HRH3: variants seen among roughly 807,000 people sequenced by gnomAD.
The protein encoded by HRH3 is histamine receptor H3, also known as histamine H3 receptor.
HRH3 carries 13 observed loss-of-function variants against 21.6 expected under a neutral mutation model. The ratio of observed to expected loss-of-function variants is 0.60; its 90% CI spans 0.39 to 0.96. The LOEUF (loss-of-function observed/expected upper bound fraction) is 0.96, where lower values mean the gene tolerates loss of function less well. Among genes scored for constraint, HRH3 ranks in the 40% least tolerant of loss-of-function variants. The pLI is 0.00. For synonymous variants in HRH3, 276 were observed against 290.3 expected (o/e 0.95, Z 0.50); for missense variants, 461 against 622.7 (o/e 0.74, Z 2.76).
chr20:62,217,725 G>A (rs943929588), intron 2 of HRH3, among the ~76,000 whole-genome samples: 11 of 152,222 alleles, frequency 7.2e-5, no homozygotes, highest in Non-Finnish European at 2.9e-5. Context: ...TGAGAGGTGG[G>A]CAGAGCACCC....
rs202091322 is a variant in HRH3, at chr20:62,215,042, G to A, written c.*964C>T. 2 of 293,328 alleles carry A rather than the reference G, an allele frequency of 6.8e-6. No homozygotes were observed. The highest frequency in any genetic ancestry group is 2.2e-5 in the African/African-American group (1 of 45,910). The allele number at this position is 293,328 out of a possible 1,614,324, so 18.2% of individuals were successfully genotyped here. A position where few individuals can be genotyped will look rare whatever the true frequency, so the allele number is the denominator to read the frequency against. ...GCGGGCACAGGCAGAGGAGCATGCA[G>A]AGCGCGTGGCACGGGTGCACAGCAC... On this transcript the variant is annotated 3_prime_UTR_variant, in exon 3 of 3. Transcript: ENST00000340177.
At position 62,215,996 on chromosome 20, in the gene HRH3, G is replaced by C; in HGVS notation, c.*10C>G. The C allele has an allele frequency of 6.4e-7, 1 of 1,553,086 alleles. No individual in the cohort carries two copies. ...GAGAGGCGTGGCTGAGGGAGGCTCT[G>C]GTGGGCCACTCACTTCCAGCAGTGC... is the stretch of plus-strand genomic sequence containing the variant. On this transcript the variant is annotated 3_prime_UTR_variant, in exon 3 of 3. Transcript: ENST00000340177.
In HRH3 at chr20:62,218,523, T is replaced by C. The variant is rs774295849; in HGVS notation, c.385A>G (p.Ser129Gly). 1 of 1,612,176 alleles carries C rather than the reference T, an allele frequency of 6.2e-7. No homozygotes were observed. The highest frequency in any genetic ancestry group is 1.7e-5 in the Admixed American group (1 of 59,998). ...TSSAFNIVLI[S>G]YDRFLSVTRA... Reference sequence around the variant, plus strand: ...GTGACCGACAGGAAGCGGTCGTAGCTGATGAGCACGATGTTGAAGGCAGAG... The same window carrying C: ...GTGACCGACAGGAAGCGGTCGTAGCCGATGAGCACGATGTTGAAGGCAGAG... The change falls in exon 2 of 3, where the codon AGC becomes GGC. Residue 129 changes from serine (S) to glycine (G), a missense_variant. By Grantham distance (56) the Ser-to-Gly change is moderately conservative (BLOSUM62 0). This residue lies in a region of HRH3 where 74 missense variants were observed against 86.6 expected (regional missense o/e 0.85). Coordinates refer to ENST00000340177, the MANE Select transcript of HRH3 (RefSeq NM_007232.3). This position sits in a 1 kb window ranked among gnomAD's most constrained non-coding sequence, Gnocchi z 5.6.
chr20:62,217,000 C>T (rs1214433145), intron 2 of HRH3, 74 bp from the exon 3 acceptor site: 6 of 1,401,938 alleles, frequency 4.3e-6, no homozygotes, highest in East Asian at 5.0e-5. Context: ...AGCCTGTGGG[C>T]CCCTATGTGG....
rs892353806 is a variant in HRH3, at chr20:62,219,782, C to A, written c.189G>T (p.Ser63=). ...ALVMLAFVAD[S]SLRTQNNFFL... ...AGAAGTTGTTCTGGGTGCGGAGGCT[C>A]GAGTCGGCCACGAAGGCGAGCATGA... The change falls in exon 1 of 3, where the codon TCG becomes TCT. Residue 63 remains serine (S), a synonymous_variant. Coordinates refer to ENST00000340177, the MANE Select transcript of HRH3 (RefSeq NM_007232.3). The surrounding 1 kb of genome is among the most constrained non-coding windows in gnomAD (Gnocchi z 8.7). 1.2e-6 allele frequency: 2 copies of A among 1,605,890 alleles called. No homozygotes were observed. The highest frequency in any genetic ancestry group is 2.3e-5 in the East Asian group (1 of 44,316).
chr20:62,217,406 G>T (rs572109958), intron 2 of HRH3, among the ~76,000 whole-genome samples: 27 of 152,348 alleles, frequency 1.8e-4, no homozygotes, highest in Non-Finnish European at 3.1e-4. Flanking sequence ...CTGGGAGCTG[G>T]AGGTGCAGGG....
In HRH3 at chr20:62,218,444, C is replaced by G; in HGVS notation, c.417+47G>C. On this transcript the variant is annotated intron_variant, in intron 2 of 2. Transcript: ENST00000340177. This position sits in a 1 kb window ranked among gnomAD's most constrained non-coding sequence, Gnocchi z 5.6. ...ACCCAGGTGCCTCCCATGGGCGTCCCGACTGTCCCTGCGGAGTGAACAGGA... is the reference window on the plus strand; with the variant it reads ...ACCCAGGTGCCTCCCATGGGCGTCCGGACTGTCCCTGCGGAGTGAACAGGA... 5.0e-6 allele frequency: 8 copies of G among 1,587,678 alleles called. No homozygotes were observed. The highest frequency in any genetic ancestry group is 6.8e-6 in the Non-Finnish European group (8 of 1,170,114).
chr20:62,218,146 A>G lies in HRH3; in HGVS notation c.417+345T>C, dbSNP rs1183941545. Among the ~76,000 whole-genome samples the G allele has an allele frequency of 6.6e-6, 1 of 152,192 alleles. No individual in the cohort carries two copies. ...CTGTGTGTGTGTGCACGCTGCACAC[A>G]CGCATGTGGGAGGGATGTCACCCAG... On this transcript the variant is annotated intron_variant, in intron 2 of 2. Transcript: ENST00000340177. This position sits in a 1 kb window ranked among gnomAD's most constrained non-coding sequence, Gnocchi z 5.6.
At position 62,216,981 on chromosome 20, in the gene HRH3, C is replaced by T. The variant is rs1330172688; in HGVS notation, c.418-55G>A. 2.0e-5 allele frequency: 30 copies of T among 1,480,084 alleles called. 1 individual carries two copies. The highest frequency in any genetic ancestry group is 6.6e-5 in the South Asian group (5 of 75,918). The allele number at this position is 1,480,084 out of a possible 1,614,324, so 91.7% of individuals were successfully genotyped here. ...GGCGGAAGGAATATTGGGCTGGGTG[C>T]GCCCCCGTAGCCTGTGGGCCCCTAT... is the stretch of plus-strand genomic sequence containing the variant. On this transcript the variant is annotated intron_variant, in intron 2 of 2. Coordinates refer to ENST00000340177, the MANE Select transcript of HRH3 (RefSeq NM_007232.3).
In HRH3 at chr20:62,220,138, G is replaced by C; in HGVS notation, c.-168C>G. On this transcript the variant is annotated 5_prime_UTR_variant, in exon 1 of 3. Coordinates refer to ENST00000340177, the MANE Select transcript of HRH3 (RefSeq NM_007232.3). ...GTCCGCGGGGCCGGGGCCGGGGCCA[G>C]AGCAGGCGGTGCCGAGGGGGCCGGG... The C allele has an allele frequency of 2.1e-6, 1 of 479,740 alleles. No individual in the cohort carries two copies. Among genetic ancestry groups the C allele is most frequent in the Non-Finnish European group, 2.7e-6 (1 of 369,034 alleles). The allele number at this position is 479,740 out of a possible 1,614,324, so 29.7% of individuals were successfully genotyped here. A position where few individuals can be genotyped will look rare whatever the true frequency, so the allele number is the denominator to read the frequency against.
chr20:62,219,799 C>A lies in HRH3; in HGVS notation c.172G>T (p.Ala58Ser). 6.2e-7 allele frequency: 1 copy of A among 1,605,758 alleles called. No homozygotes were observed. The highest frequency in any genetic ancestry group is 2.3e-5 in the East Asian group (1 of 44,284). Residue 58 changes from alanine (A) to serine (S), a missense_variant, in exon 1 of 3, where the codon GCC becomes TCC. By Grantham distance (99) the Ala-to-Ser change is moderately conservative. Coordinates refer to ENST00000340177, the MANE Select transcript of HRH3 (RefSeq NM_007232.3). This position sits in a 1 kb window ranked among gnomAD's most constrained non-coding sequence, Gnocchi z 8.7. ...TVLGNALVML[A>S]FVADSSLRTQ... ...CGGAGGCTCGAGTCGGCCACGAAGG[C>A]GAGCATGACCAGCGCGTTGCCCAGC...
chr20:62,219,406 T>C lies in HRH3; in HGVS notation c.250+315A>G, dbSNP rs1342721986. On this transcript the variant is annotated intron_variant, in intron 1 of 2. Transcript: ENST00000340177. The surrounding 1 kb of genome is among the most constrained non-coding windows in gnomAD (Gnocchi z 8.7). The stretch of plus-strand genomic sequence containing the variant: ...GCCCCACTGCGCCCTCCGCGCGTCC[T>C]AAGTCCGCAGCAGCCTTTGTTTGGC... Among the ~76,000 whole-genome samples the C allele has an allele frequency of 6.6e-6, 1 of 150,702 alleles. No homozygotes were observed. Among genetic ancestry groups the C allele is most frequent in the African/African-American group, 2.4e-5 (1 of 40,946 alleles).
chr20:62,220,024 C>T lies in HRH3; in HGVS notation c.-54G>A. On this transcript the variant is annotated 5_prime_UTR_variant, in exon 1 of 3. Transcript: ENST00000340177. ...CGCGGGGCAGGGCGCCGGCCGAGAG[C>T]TGGGCGGCCGGGAGGGGCCCCGGCC... 1.0e-6 allele frequency: 1 copy of T among 990,926 alleles called. No individual in the cohort carries two copies. Among genetic ancestry groups the T allele is most frequent in the Non-Finnish European group, 1.2e-6 (1 of 835,184 alleles). The allele number at this position is 990,926 out of a possible 1,614,324, so 61.4% of individuals were successfully genotyped here.
In HRH3 at chr20:62,215,717, A is replaced by T; in HGVS notation, c.*289T>A. ...CCAGTAACTGCGAAGGGTGGGCACC[A>T]GCAGGGGGTGGGCAGCATGTCTGGG... On this transcript the variant is annotated 3_prime_UTR_variant, in exon 3 of 3. Transcript: ENST00000340177. 2.0e-6 allele frequency: 1 copy of T among 501,022 alleles called. No homozygotes were observed. Among genetic ancestry groups the T allele is most frequent in the Non-Finnish European group, 3.6e-6 (1 of 274,052 alleles). 31.0% of individuals were successfully genotyped at this position (501,022 alleles called of 1,614,324 possible).
chr20:62,219,621 G>T lies in HRH3; in HGVS notation c.250+100C>A. ...CCCAGGCCGGGTCCCCTGGTGGGGCGTGTGCCTGCGGGAGCCACCCAGGTC... is the reference window on the plus strand; with the variant it reads ...CCCAGGCCGGGTCCCCTGGTGGGGCTTGTGCCTGCGGGAGCCACCCAGGTC... On this transcript the variant is annotated intron_variant, in intron 1 of 2. Coordinates refer to ENST00000340177, the MANE Select transcript of HRH3 (RefSeq NM_007232.3). This position sits in a 1 kb window ranked among gnomAD's most constrained non-coding sequence, Gnocchi z 8.7. 3 of 1,428,392 alleles carry T rather than the reference G, an allele frequency of 2.1e-6. No individual in the cohort carries two copies. The highest frequency in any genetic ancestry group is 2.8e-6 in the Non-Finnish European group (3 of 1,070,764). The allele number at this position is 1,428,392 out of a possible 1,614,324, so 88.5% of individuals were successfully genotyped here.
In HRH3 at chr20:62,216,592, G is replaced by A. The variant is rs750347884; in HGVS notation, c.752C>T (p.Ser251Leu). ...GPEPPPEAQP[S>L]PPPPPGCWGC... ...CCAGCAGCCAGGCGGTGGGGGTGGT[G>A]AGGGCTGGGCCTCGGGAGGGGGCTC... is the stretch of plus-strand genomic sequence containing the variant. The change falls in exon 3 of 3, where the codon TCA becomes TTA. Residue 251 changes from serine to leucine, a missense_variant. Ser to Leu is a moderately radical substitution (Grantham distance 145). Transcript: ENST00000340177. 2 of 1,607,310 alleles carry A rather than the reference G, an allele frequency of 1.2e-6. No individual in the cohort carries two copies. Among genetic ancestry groups the A allele is most frequent in the South Asian group, 1.1e-5 (1 of 90,678 alleles).
chr20:62,216,655 C>T lies in HRH3; in HGVS notation c.689G>A (p.Arg230His), dbSNP rs751534866. The part of the protein sequence containing the change: ...SIYLNIQRRT[R>H]LRLDGAREAA... Reference sequence around the variant, plus strand: ...CTCTCGAGCCCCATCCAGCCGGAGGCGGGTGCGCCTCTGGATGTTCAGGTA... The same window carrying T: ...CTCTCGAGCCCCATCCAGCCGGAGGTGGGTGCGCCTCTGGATGTTCAGGTA... Residue 230 changes from arginine (R) to histidine (H), a missense_variant, in exon 3 of 3, where the codon CGC (arginine) becomes CAC (histidine). Transcript: ENST00000340177. 8.7e-6 allele frequency: 14 copies of T among 1,612,696 alleles called. No homozygotes were observed. The highest frequency in any genetic ancestry group is 2.2e-5 in the South Asian group (2 of 91,078).
rs979335848 is a variant in HRH3 at position 62,215,984 on chromosome 20, G to A, written c.*22C>T. On this transcript the variant is annotated 3_prime_UTR_variant, in exon 3 of 3. Coordinates refer to ENST00000340177, the MANE Select transcript of HRH3 (RefSeq NM_007232.3). The stretch of plus-strand genomic sequence containing the variant: ...GACCTGGGCTGAGAGAGGCGTGGCT[G>A]AGGGAGGCTCTGGTGGGCCACTCAC... The A allele has an allele frequency of 4.5e-6, 7 of 1,542,560 alleles. No homozygotes were observed. The African/African-American group carries it at 6.8e-5, about 15-fold the overall frequency.
chr20:62,215,654 G>A lies in HRH3; in HGVS notation c.*352C>T. On this transcript the variant is annotated 3_prime_UTR_variant, in exon 3 of 3. Transcript: ENST00000340177. ...GGCAAACTGCTAGGGCAGGAAGCCT[G>A]GAGCACACCCAGGTGCTTGCTTTGG... is the stretch of plus-strand genomic sequence containing the variant. 1 of 405,070 alleles carries A rather than the reference G, an allele frequency of 2.5e-6. No individual in the cohort carries two copies. The highest frequency in any genetic ancestry group is 4.7e-6 in the Non-Finnish European group (1 of 212,748). 25.1% of individuals were successfully genotyped at this position (405,070 alleles called of 1,614,324 possible). A position where few individuals can be genotyped will look rare whatever the true frequency, so the allele number is the denominator to read the frequency against.
Sources: gnomAD v4.1 joint callset for allele counts (sites outside exome capture counted in the v4.1 genomes callset) on GRCh38, gnomAD v4.1.1 for gene constraint, gnomAD v4.1.1 regional missense constraint, Gnocchi (gnomAD v3.1) non-coding constraint, MANE v1.5 for transcripts, NCBI Gene and HGNC (gene_info 2026-07-23, HGNC 2026-07-21) for gene names.